NUP155: variants seen among roughly 807,000 people sequenced by gnomAD.
The protein encoded by NUP155 is nucleoporin 155.
In NUP155, 71 loss-of-function variants were observed where a neutral mutation model predicts 180.4. The ratio of observed to expected loss-of-function variants is 0.39; its 90% confidence interval spans 0.33 to 0.48. The LOEUF is 0.48. Ranked by LOEUF, NUP155 falls within the 20% of genes least tolerant of loss-of-function variation. The pLI is 0.91. For synonymous variants in NUP155, 582 were observed against 559.5 expected, an observed-to-expected ratio of 1.04 and a Z score of -0.57; for missense variants, 1,553 against 1,648.9, an observed-to-expected ratio of 0.94 and a Z score of 1.01.
intron 22 of NUP155, among the ~76,000 whole-genome samples, chr5:37,313,386 G>A (rs1375452434): frequency 6.6e-6 from 1 of 151,316 alleles, no homozygotes; most frequent in East Asian, 2.0e-4. Context: ...AGCCGAGATT[G>A]CACAACTGCA....
intron 12 of NUP155, among the ~76,000 whole-genome samples, chr5:37,334,885 C>G (rs1044816725): frequency 6.6e-6 from 1 of 152,000 alleles, no homozygotes. Context: ...ACTGGCTCGG[C>G]GAGGTGGCTC....
At chr5:37,350,732 G>A (rs915470348) in intron 6 of NUP155, among the ~76,000 whole-genome samples, 10 of 151,638 alleles carry the variant, frequency 6.6e-5, no homozygotes, top group African/African-American at 2.4e-4. Flanking sequence ...AAACCCAGGG[G>A]ATGGAGGTTG....
At position 37,317,959 on chromosome 5, in the gene NUP155, C is replaced by T. The variant is rs113570369; in HGVS notation, c.2305+29G>A. 4.6e-5 allele frequency: 57 copies of T among 1,230,834 alleles called. 1 individual carries two copies. Among genetic ancestry groups the T allele is most frequent in the Middle Eastern group, 1.9e-4 (1 of 5,328 alleles). The allele number at this position is 1,230,834 out of a possible 1,614,324, so 76.2% of individuals were successfully genotyped here. Reference sequence around the variant, plus strand: ...AATAAAATTTTACTGAGGTCATGTACGCTTAACTGATGAGAAGCAATAATT... The same window carrying T: ...AATAAAATTTTACTGAGGTCATGTATGCTTAACTGATGAGAAGCAATAATT... On this transcript the variant is annotated intron_variant, in intron 21 of 34. Coordinates refer to ENST00000231498, the MANE Select transcript of NUP155 (RefSeq NM_153485.3).
At chr5:37,302,991 C>G in intron 28 of NUP155, 83 bp from the exon 29 acceptor site, 1 of 1,413,948 alleles carries the variant, frequency 7.1e-7, no homozygotes, top group Non-Finnish European at 9.9e-7. Flanking sequence ...TGTACTGTTT[C>G]ATACCAAACA....
chr5:37,355,992 G>C (rs994911014), intron 4 of NUP155, among the ~76,000 whole-genome samples: 1 of 151,938 alleles, frequency 6.6e-6, no homozygotes, highest in Admixed American at 6.6e-5. Context: ...CACTTTGGGA[G>C]GCCGAGGTGG....
chr5:37,327,845 ATCTTAG>A, intron 17 of NUP155, 69 bp from the exon 18 acceptor site: 1 of 1,532,308 alleles, frequency 6.5e-7, no homozygotes, highest in Admixed American at 1.7e-5. Flanking sequence ...CTTAATCTTA[ATCTTAG>A]AACCCATAAA....
intron 8 of NUP155, 80 bp from the exon 9 acceptor site, chr5:37,348,676 C>A (rs1746261437): frequency 1.2e-6 from 1 of 833,424 alleles, no homozygotes; most frequent in Non-Finnish European, 2.1e-6. Context: ...TTAAGGGATC[C>A]TTTAATATTG....
At position 37,344,175 on chromosome 5, in the gene NUP155, A is replaced by G. The variant is rs1021347058; in HGVS notation, c.996-1529T>C. Among the ~76,000 whole-genome samples the G allele has an allele frequency of 4.0e-5, 6 of 151,728 alleles. No homozygotes were observed. In the South Asian group the frequency reaches 1.2e-3, roughly 32 times the overall value. On this transcript the variant is annotated intron_variant, in intron 9 of 34. Transcript: ENST00000231498. The stretch of plus-strand genomic sequence containing the variant: ...CTCAACATGGTGAAACCCCATCTCT[A>G]CTAAAAAATATATAAAAATTAGCCA...
In NUP155 at chr5:37,289,439, G is replaced by T. The variant is rs911185273; in HGVS notation, c.*2461C>A. The T allele has an allele frequency of 6.6e-6, 1 of 152,240 alleles. No individual in the cohort carries two copies. Among genetic ancestry groups the T allele is most frequent in the Non-Finnish European group, 1.5e-5 (1 of 68,048 alleles). 9.4% of individuals were successfully genotyped at this position (152,240 alleles called of 1,614,324 possible). A position where few individuals can be genotyped will look rare whatever the true frequency, so the allele number is the denominator to read the frequency against. On this transcript the variant is annotated 3_prime_UTR_variant, in exon 35 of 35. Transcript: ENST00000231498. ...GCATGACACTACAGATGGAACTCAA[G>T]AATCTGTCATAACAGGCTATCCGGC...
In NUP155 at chr5:37,365,342, T is replaced by C. The variant is rs186139547; in HGVS notation, c.158-958A>G. On this transcript the variant is annotated intron_variant, in intron 1 of 34. Transcript: ENST00000231498. ...CACAAAGGATAAATGCTTGAGAGGA[T>C]AGATACCCCATTTTCCCTGATGTGA... is the stretch of plus-strand genomic sequence containing the variant. Among the ~76,000 whole-genome samples, 620 of 152,124 alleles carry C rather than the reference T, an allele frequency of 4.1e-3. 2 individuals carry two copies. The highest frequency in any genetic ancestry group is 0.013 in the African/African-American group (552 of 41,516).
intron 15 of NUP155, 21 bp from the exon 16 acceptor site, chr5:37,329,299 T>C (rs369497046): frequency 6.3e-7 from 1 of 1,585,730 alleles, no homozygotes; most frequent in African/African-American, 1.3e-5. Context: ...GACAAGAGGT[T>C]GAGTTTATTC....
chr5:37,329,427 A>AT, intron 15 of NUP155, 149 bp from the exon 16 acceptor site: 1 of 662,632 alleles, frequency 1.5e-6, no homozygotes, highest in Non-Finnish European at 2.7e-6. Flanking sequence ...AAGTATATGC[A>AT]TAAGACTTAT....
At chr5:37,329,165 T>C (rs1744795289) in intron 16 of NUP155, 25 bp downstream of exon 16, 2 of 1,547,910 alleles carry the variant, frequency 1.3e-6, no homozygotes, top group Non-Finnish European at 1.8e-6. Context: ...TTAGAAACAA[T>C]TTCATTTCAA....
At chr5:37,297,599 C>T (rs1480388216) in intron 32 of NUP155, among the ~76,000 whole-genome samples, 3 of 151,840 alleles carry the variant, frequency 2.0e-5, no homozygotes, top group Admixed American at 6.6e-5. Context: ...AGGCTGGTCT[C>T]GAACTCCTGG....
chr5:37,334,961 C>T (rs1374674240), intron 12 of NUP155, among the ~76,000 whole-genome samples: 1 of 151,890 alleles, frequency 6.6e-6, no homozygotes, highest in Non-Finnish European at 1.5e-5. Flanking sequence ...AGTTCGAGAC[C>T]AGCCAGGCCA....
chr5:37,368,082 CT>C (rs1747719135), intron 1 of NUP155, among the ~76,000 whole-genome samples: 1 of 151,828 alleles, frequency 6.6e-6, no homozygotes, highest in African/African-American at 2.4e-5. Context: ...CACCCAGCCA[CT>C]TTTTGTAGAG....
At position 37,331,691 on chromosome 5, in the gene NUP155, T is replaced by G; in HGVS notation, c.1623A>C (p.Leu541Phe). 1 of 1,564,838 alleles carries G rather than the reference T, an allele frequency of 6.4e-7. No individual in the cohort carries two copies. The highest frequency in any genetic ancestry group is 8.8e-7 in the Non-Finnish European group (1 of 1,138,586). ...DGEEIERFFK[L>F]HQEDQACATC... is the part of the protein sequence containing the mutation. Reference sequence around the variant, plus strand: ...TAAAAGTATATATAATTACCTGATGTAATTTAAAGAATCTTTCAATCTCTT... The same window carrying G: ...TAAAAGTATATATAATTACCTGATGGAATTTAAAGAATCTTTCAATCTCTT... Residue 541 changes from leucine (L) to phenylalanine (F), a missense_variant, in exon 14 of 35, where the codon TTA (leucine) becomes TTC (phenylalanine). Coordinates refer to ENST00000231498, the MANE Select transcript of NUP155 (RefSeq NM_153485.3).
At chr5:37,340,190 C>T (rs1309658212) in intron 11 of NUP155, among the ~76,000 whole-genome samples, 3 of 152,086 alleles carry the variant, frequency 2.0e-5, no homozygotes, top group Non-Finnish European at 4.4e-5. Context: ...CCTGTAATCC[C>T]AGCACTTTAG....
intron 33 of NUP155, 69 bp from the exon 34 acceptor site, chr5:37,293,054 T>A: frequency 9.5e-7 from 1 of 1,050,550 alleles, no homozygotes; most frequent in Non-Finnish European, 1.5e-6. Flanking sequence ...TCATTTATAC[T>A]AAAGTAGACA....
Sources: allele counts gnomAD v4.1 joint callset (sites outside exome capture counted in the v4.1 genomes callset), GRCh38; gene constraint gnomAD v4.1.1; transcripts MANE v1.5; gene names NCBI Gene and HGNC (gene_info 2026-07-23, HGNC 2026-07-21).